The following LIFR variants were observed in gnomAD, a reference collection of about 807,000 sequenced individuals.
LIFR encodes LIF receptor subunit alpha.
LIFR carries 84 observed loss-of-function variants against 122.2 expected under a neutral mutation model. That is an observed-to-expected ratio of 0.69 (90% CI 0.58 to 0.82). The LOEUF is 0.82. Ranked by LOEUF, LIFR falls within the 40% of genes least tolerant of loss-of-function variation. LIFR has a pLI of 0.00. For synonymous variants in LIFR, 422 were observed against 434.7 expected, an observed-to-expected ratio of 0.97 and a Z score of 0.36; for missense variants, 1,294 against 1,311.6, an observed-to-expected ratio of 0.99 and a Z score of 0.21.
intron 1 of LIFR, among the ~76,000 whole-genome samples, chr5:38,533,758 G>A (rs1309261801): frequency 6.6e-6 from 1 of 152,142 alleles, no homozygotes; most frequent in Non-Finnish European, 1.5e-5. Context: ...GACAGAGAGT[G>A]AGTTAGCATG....
At chr5:38,592,105 C>A (rs1298506375) in intron 1 of LIFR, among the ~76,000 whole-genome samples, 1 of 152,132 alleles carries the variant, frequency 6.6e-6, no homozygotes, top group East Asian at 1.9e-4. Flanking sequence ...ATTATTTCTT[C>A]CCTTCTCTCC....
chr5:38,588,377 A>G (rs2112756911), intron 1 of LIFR, among the ~76,000 whole-genome samples: 1 of 152,332 alleles, frequency 6.6e-6, no homozygotes, highest in East Asian at 1.9e-4. Context: ...GAAGAATTTT[A>G]ATATGAAGGA....
chr5:38,589,032 C>G (rs1162362241), intron 1 of LIFR, among the ~76,000 whole-genome samples: 2 of 141,682 alleles, frequency 1.4e-5, no homozygotes, highest in African/African-American at 5.3e-5. Flanking sequence ...GAGTCTCACT[C>G]TGTTGCCGAG....
rs900497735 is a variant in LIFR, at chr5:38,478,416, T to C, written c.*3179A>G. The C allele has an allele frequency of 9.5e-6, 2 of 210,822 alleles. No individual in the cohort carries two copies. Among genetic ancestry groups the C allele is most frequent in the African/African-American group, 4.5e-5 (2 of 44,040 alleles). 13.1% of individuals were successfully genotyped at this position (210,822 alleles called of 1,614,324 possible). On this transcript the variant is annotated 3_prime_UTR_variant, in exon 20 of 20. Coordinates refer to ENST00000453190, the MANE Select transcript of LIFR (RefSeq NM_001127671.2). ...CTAAGCTGCAGGAACAAAGCACCTC[T>C]ATCATATAAGCACATAAACACACAA...
chr5:38,485,587 C>T, intron 17 of LIFR: 1 of 578,832 alleles, frequency 1.7e-6, no homozygotes, highest in Non-Finnish European at 3.1e-6. Flanking sequence ...CAGATGTATC[C>T]CAAATTCATT....
Position 38,595,047 on chromosome 5 carries a change from A to G in LIFR, c.-20+214T>C, listed in dbSNP as rs558059210. The stretch of plus-strand genomic sequence containing the variant: ...GGAAGACCATCTCTGTAGGATGCCA[A>G]GGATTGACTGGAGAAAGTCTGGGTA... On this transcript the variant is annotated intron_variant, in intron 1 of 19. Coordinates refer to the LIFR transcript ENST00000263409. The G allele has an allele frequency of 1.7e-5, 3 of 180,452 alleles. No individual in the cohort carries two copies. In the East Asian group the frequency reaches 2.8e-4, roughly 17 times the overall value. 11.2% of individuals were successfully genotyped at this position (180,452 alleles called of 1,614,324 possible).
chr5:38,513,263 A>AT (rs1193382081), intron 5 of LIFR, among the ~76,000 whole-genome samples: 2 of 152,236 alleles, frequency 1.3e-5, no homozygotes, highest in African/African-American at 4.8e-5. Flanking sequence ...AGAAAACAAA[A>AT]TCTTAAGCAT....
At position 38,531,062 on chromosome 5, in the gene LIFR, C is replaced by T. The variant is rs149287191; in HGVS notation, c.-19-396G>A. 133 of 169,458 alleles carry T rather than the reference C, an allele frequency of 7.8e-4. 2 individuals carry two copies. The highest frequency in any genetic ancestry group is 7.5e-3 in the East Asian group (46 of 6,156). 10.5% of individuals were successfully genotyped at this position (169,458 alleles called of 1,614,324 possible). A position where few individuals can be genotyped will look rare whatever the true frequency, so the allele number is the denominator to read the frequency against. On this transcript the variant is annotated intron_variant, in intron 1 of 19. Coordinates refer to ENST00000453190, the MANE Select transcript of LIFR (RefSeq NM_001127671.2). The stretch of plus-strand genomic sequence containing the variant: ...GATATTTTTATGTATTTTATTAGTA[C>T]GTTAACTTGTGTTTAGTCATTTATG...
rs780361019 is a variant in LIFR, at chr5:38,482,205, A to G, written c.2684T>C (p.Leu895Pro). The G allele has an allele frequency of 6.2e-7, 1 of 1,604,780 alleles. No homozygotes were observed. The highest frequency in any genetic ancestry group is 1.1e-5 in the South Asian group (1 of 88,646). Residue 895 changes from leucine (L) to proline (P), a missense_variant, in exon 20 of 20, where the codon CTT (leucine) becomes CCT (proline). By Grantham distance (98) the Leu-to-Pro change is moderately conservative. Transcript: ENST00000453190. ...ACAAGGATTCATTTCCAATGTTTTA[A>G]GAGCACTGCTTCCCTAGAAATAAAT... is the stretch of plus-strand genomic sequence containing the variant. ...QKSVCEGSSA[L>P]KTLEMNPCTP...
At chr5:38,529,576 A>C (rs1019269400) in intron 2 of LIFR, among the ~76,000 whole-genome samples, 3 of 152,238 alleles carry the variant, frequency 2.0e-5, no homozygotes, top group East Asian at 1.9e-4. Context: ...ACACCATGGA[A>C]TATGTAAGCA....
At chr5:38,590,346 A>C (rs1413566551) in intron 1 of LIFR, among the ~76,000 whole-genome samples, 1 of 152,150 alleles carries the variant, frequency 6.6e-6, no homozygotes, top group Non-Finnish European at 1.5e-5. Flanking sequence ...AGGGAGATGA[A>C]AGTAGGGAGG....
chr5:38,565,633 G>A (rs553976038), intron 1 of LIFR, among the ~76,000 whole-genome samples: 97 of 151,006 alleles, frequency 6.4e-4, no homozygotes, highest in Admixed American at 6.4e-3. Context: ...TGTTGCCCAG[G>A]CTGGAGTACA....
intron 6 of LIFR, among the ~76,000 whole-genome samples, chr5:38,511,085 C>T (rs1274658615): frequency 6.6e-6 from 1 of 152,192 alleles, no homozygotes; most frequent in African/African-American, 2.4e-5. Flanking sequence ...GAACAATCCA[C>T]ACCCCCCAAA....
intron 2 of LIFR, 141 bp from the exon 3 acceptor site, chr5:38,528,981 G>GT (rs1246932957): frequency 0.19 from 84,190 of 439,458 alleles, 1 homozygote; most frequent in South Asian, 0.25. Context: ...GAGAGCCCAT[G>GT]TTTTTTTTTT....
At chr5:38,575,448 C>A (rs1749353439) in intron 1 of LIFR, among the ~76,000 whole-genome samples, 1 of 152,184 alleles carries the variant, frequency 6.6e-6, no homozygotes, top group Non-Finnish European at 1.5e-5. Flanking sequence ...CTGATTACTT[C>A]AATTTACGGA....
intron 4 of LIFR, among the ~76,000 whole-genome samples, chr5:38,525,899 A>T (rs1746652838): frequency 6.6e-6 from 1 of 152,214 alleles, no homozygotes; most frequent in Admixed American, 6.6e-5. Flanking sequence ...GCTCATCTTT[A>T]AAATGCTTCC....
chr5:38,559,101 C>G (rs1291016593), upstream of LIFR: 1 of 152,168 alleles, frequency 6.6e-6, no homozygotes, highest in Non-Finnish European at 1.5e-5. Context: ...GGGATGGAGG[C>G]CTAGAGAAGA....
In LIFR at chr5:38,499,517, C is replaced by T. The variant is rs749503588; in HGVS notation, c.1667G>A (p.Trp556Ter). ...ACAGAAAAATTAGATATTTACCTTC[C>T]AATAGATTATTAAATTTTTTCCATC... The part of the protein sequence containing the change: ...SSDGKNLIIY[W>*]KPLPINEANG... The change falls in exon 12 of 20, where the codon TGG (tryptophan) becomes TAG (stop). Residue 556 changes from tryptophan to a stop codon, truncating the protein, a stop_gained. Transcript: ENST00000453190. LOFTEE classifies it high-confidence loss of function. 1.3e-6 allele frequency: 2 copies of T among 1,586,154 alleles called. No individual in the cohort carries two copies. Among genetic ancestry groups the T allele is most frequent in the Non-Finnish European group, 1.7e-6 (2 of 1,154,698 alleles).
chr5:38,516,106 A>T (rs761965815), intron 5 of LIFR, among the ~76,000 whole-genome samples: 39 of 152,014 alleles, frequency 2.6e-4, no homozygotes, highest in Admixed American at 8.5e-4. Flanking sequence ...ATTTTCCCAA[A>T]TTTTTTCCCA....
Sources: gnomAD v4.1 joint callset for allele counts (sites outside exome capture counted in the v4.1 genomes callset) on GRCh38, gnomAD v4.1.1 for gene constraint, MANE v1.5 for transcripts, NCBI Gene and HGNC (gene_info 2026-07-23, HGNC 2026-07-21) for gene names.